Variants in RALYL observed in about 807,000 individuals in gnomAD.
RALYL encodes RNA-binding Raly-like protein.
A neutral mutation model predicts 35.1 loss-of-function variants in RALYL; 29 were observed. That is an observed-to-expected ratio of 0.83 (90% CI 0.61 to 1.13). RALYL has a LOEUF of 1.13. RALYL is among the 50% of genes most tolerant of loss of function. The pLI is 0.00. For synonymous variants in RALYL, 120 were observed against 127.6 expected, an observed-to-expected ratio of 0.94 and a Z score of 0.40; for missense variants, 359 against 360.4, an observed-to-expected ratio of 1.00 and a Z score of 0.03.
At chr8:84,667,650 T>C (rs1832352686) in intron 2 of RALYL, among the ~76,000 whole-genome samples, 3 of 152,282 alleles carry the variant, frequency 2.0e-5, no homozygotes, top group Admixed American at 6.6e-5. Context: ...ACATTTTTTT[T>C]CCCTGAATAA....
intron 1 of RALYL, among the ~76,000 whole-genome samples, chr8:84,394,556 TA>T (rs1861380337): frequency 6.6e-6 from 1 of 152,012 alleles, no homozygotes; most frequent in African/African-American, 2.4e-5. Flanking sequence ...ATGCTTACTG[TA>T]AAAACTCCTT....
chr8:84,815,985 G>A (rs1457749484), intron 4 of RALYL, among the ~76,000 whole-genome samples: 1 of 143,316 alleles, frequency 7.0e-6, no homozygotes, highest in Non-Finnish European at 1.5e-5. Flanking sequence ...AGTGAGCCGG[G>A]ATCATGCCAC....
chr8:84,497,435 A>G (rs1587787092), intron 1 of RALYL, among the ~76,000 whole-genome samples: 1 of 152,280 alleles, frequency 6.6e-6, no homozygotes, highest in East Asian at 1.9e-4. Context: ...ACTCCTTCAC[A>G]ATATACACGT....
At chr8:84,597,772 A>AC (rs1238430706) in intron 2 of RALYL, among the ~76,000 whole-genome samples, 2 of 152,192 alleles carry the variant, frequency 1.3e-5, no homozygotes, top group African/African-American at 4.8e-5. Context: ...GTTTATTGGA[A>AC]CACAGCCACA....
chr8:84,231,478 C>A (rs985624754), intron 1 of RALYL, among the ~76,000 whole-genome samples: 8 of 152,008 alleles, frequency 5.3e-5, no homozygotes, highest in African/African-American at 1.9e-4. Context: ...CATGTTTGTT[C>A]TCTGTGTTCA....
At chr8:84,184,788 A>C (rs1812071544) in intron 1 of RALYL, 1 of 538,712 alleles carries the variant, frequency 1.9e-6, no homozygotes, top group South Asian at 2.4e-5. Context: ...CTTGCACAGC[A>C]GGAGGGGCGA....
intron 2 of RALYL, among the ~76,000 whole-genome samples, chr8:84,681,766 A>G (rs1172945408): frequency 6.6e-6 from 1 of 152,210 alleles, no homozygotes; most frequent in Non-Finnish European, 1.5e-5. Flanking sequence ...TTCTAAATGT[A>G]CAATCATGTC....
intron 6 of RALYL, among the ~76,000 whole-genome samples, chr8:84,867,343 A>AT (rs1202970342): frequency 6.6e-6 from 1 of 152,006 alleles, no homozygotes. Context: ...TAATCTTTCT[A>AT]TTTTCAATTA....
At chr8:84,606,813 C>T (rs1031098626) in intron 2 of RALYL, among the ~76,000 whole-genome samples, 2 of 152,052 alleles carry the variant, frequency 1.3e-5, no homozygotes, top group South Asian at 2.1e-4. Context: ...ATATACCATA[C>T]ATATATTTGT....
At chr8:84,590,863 T>G (rs530616396) in intron 2 of RALYL, among the ~76,000 whole-genome samples, 71 of 152,302 alleles carry the variant, frequency 4.7e-4, no homozygotes, top group African/African-American at 1.6e-3. Context: ...ACTTCCAGCT[T>G]GTATTTTTTT....
At chr8:84,709,987 A>G (rs1589135569) in intron 2 of RALYL, among the ~76,000 whole-genome samples, 1 of 151,966 alleles carries the variant, frequency 6.6e-6, no homozygotes, top group Admixed American at 6.6e-5. Flanking sequence ...CTTGAACCCA[A>G]GAGGTGGAGG....
intron 1 of RALYL, among the ~76,000 whole-genome samples, chr8:84,358,914 C>G (rs1184835939): frequency 6.6e-6 from 1 of 151,812 alleles, no homozygotes; most frequent in African/African-American, 2.4e-5. Flanking sequence ...TGGAAGGATC[C>G]AGAACATATG....
intron 6 of RALYL, among the ~76,000 whole-genome samples, chr8:84,864,065 G>T (rs1192357291): frequency 1.3e-5 from 2 of 152,090 alleles, no homozygotes; most frequent in Non-Finnish European, 2.9e-5. Flanking sequence ...AATTACCAAA[G>T]TCAGCTACTT....
intron 1 of RALYL, among the ~76,000 whole-genome samples, chr8:84,391,829 G>T (rs1860764995): frequency 6.6e-6 from 1 of 152,012 alleles, no homozygotes; most frequent in Non-Finnish European, 1.5e-5. Flanking sequence ...TTCAAAGTGA[G>T]CTGATGCTGC....
intron 2 of RALYL, among the ~76,000 whole-genome samples, chr8:84,671,389 C>T (rs973689380): frequency 2.0e-5 from 3 of 152,176 alleles, no homozygotes; most frequent in African/African-American, 4.8e-5. Context: ...TGCAGCTCCA[C>T]TAGGCAGTGC....
chr8:84,547,737 T>G (rs2060459356), intron 2 of RALYL, among the ~76,000 whole-genome samples: 1 of 152,196 alleles, frequency 6.6e-6, no homozygotes, highest in Non-Finnish European at 1.5e-5. Context: ...TATTGTATTA[T>G]TGAAGTTTTC....
intron 1 of RALYL, among the ~76,000 whole-genome samples, chr8:84,525,525 T>C (rs1587983108): frequency 1.3e-5 from 2 of 152,214 alleles, no homozygotes; most frequent in Middle Eastern, 6.8e-3. Flanking sequence ...GGGATTATCA[T>C]TTTTATCAAA....
intron 1 of RALYL, among the ~76,000 whole-genome samples, chr8:84,508,957 A>G (rs2057391503): frequency 6.6e-6 from 1 of 152,160 alleles, no homozygotes; most frequent in African/African-American, 2.4e-5. Context: ...AATGAACATA[A>G]TGACTGTTTC....
At chr8:84,345,737 A>G (rs1057447731) in intron 1 of RALYL, among the ~76,000 whole-genome samples, 3 of 152,058 alleles carry the variant, frequency 2.0e-5, no homozygotes, top group Non-Finnish European at 4.4e-5. Context: ...GAGCACCACA[A>G]AGAAGTCAGG....
Sources: allele counts gnomAD v4.1 joint callset (sites outside exome capture counted in the v4.1 genomes callset), GRCh38; gene constraint gnomAD v4.1.1; transcripts MANE v1.5; gene names NCBI Gene and HGNC (gene_info 2026-07-23, HGNC 2026-07-21).